Variants in GRAMD1B observed in about 807,000 individuals in gnomAD.
GRAMD1B encodes the protein GRAM domain containing 1B, also known as protein Aster-B.
In GRAMD1B, 37 loss-of-function variants were observed where a neutral mutation model predicts 99.7. The ratio of observed to expected loss-of-function variants is 0.37; its 90% confidence interval spans 0.29 to 0.49. The LOEUF is 0.49. Ranked by LOEUF, GRAMD1B falls within the 20% of genes least tolerant of loss-of-function variation. The pLI, the probability that GRAMD1B is intolerant of heterozygous loss-of-function variation, is 0.98. For missense variants in GRAMD1B, 888 were observed against 1,009.2 expected (o/e 0.88, Z 1.63); for synonymous variants, 427 against 387.6 (o/e 1.10, Z -1.19).
intron 2 of GRAMD1B, among the ~76,000 whole-genome samples, chr11:123,557,082 C>T (rs1456095814): frequency 6.6e-6 from 1 of 152,186 alleles, no homozygotes; most frequent in African/African-American, 2.4e-5. Flanking sequence ...AAACTTTCTA[C>T]CTCTTCGTTT....
intron 1 of GRAMD1B, among the ~76,000 whole-genome samples, chr11:123,390,201 A>G (rs968568427): frequency 6.6e-6 from 1 of 152,148 alleles, no homozygotes; most frequent in African/African-American, 2.4e-5. Flanking sequence ...CACCTGGTCA[A>G]ATGGTGTTTG....
At chr11:123,560,427 G>A in intron 2 of GRAMD1B, 1 of 1,188,154 alleles carries the variant, frequency 8.4e-7, no homozygotes, top group Non-Finnish European at 1.1e-6. Flanking sequence ...AAATGCTACA[G>A]CGGTGTGAAA....
At chr11:123,607,047 G>A (rs750990911) in intron 11 of GRAMD1B, among the ~76,000 whole-genome samples, 1 of 152,062 alleles carries the variant, frequency 6.6e-6, no homozygotes, top group Non-Finnish European at 1.5e-5. Context: ...TATTGACATT[G>A]GCTTGCCTTG....
At chr11:123,552,842 G>A (rs1945762273) in intron 2 of GRAMD1B, among the ~76,000 whole-genome samples, 1 of 152,116 alleles carries the variant, frequency 6.6e-6, no homozygotes, top group Non-Finnish European at 1.5e-5. Context: ...GCAAGGCCTG[G>A]CAATACCTTC....
intron 9 of GRAMD1B, among the ~76,000 whole-genome samples, chr11:123,604,451 G>A (rs1032829562): frequency 6.6e-6 from 1 of 152,170 alleles, no homozygotes; most frequent in Non-Finnish European, 1.5e-5. Flanking sequence ...ACATGCTGTC[G>A]ATAGGTTAAG....
At chr11:123,433,066 T>C (rs1372662107) in intron 1 of GRAMD1B, among the ~76,000 whole-genome samples, 1 of 151,974 alleles carries the variant, frequency 6.6e-6, no homozygotes, top group East Asian at 1.9e-4. Flanking sequence ...CTAAAGTAGT[T>C]TGTCAGGCCA....
chr11:123,367,514 TG>T (rs1239806150), intron 1 of GRAMD1B, among the ~76,000 whole-genome samples: 1 of 152,006 alleles, frequency 6.6e-6, no homozygotes, highest in African/African-American at 2.4e-5. Flanking sequence ...TTCAGGCAGA[TG>T]GGATAGCATG....
chr11:123,516,047 G>A (rs1941641935), intron 2 of GRAMD1B, among the ~76,000 whole-genome samples: 1 of 152,210 alleles, frequency 6.6e-6, no homozygotes, highest in Admixed American at 6.5e-5. Context: ...AAGATTACAG[G>A]TGTGAGCCCC....
At chr11:123,603,252 C>T (rs1485140395) in intron 8 of GRAMD1B, among the ~76,000 whole-genome samples, 174 bp from the exon 9 acceptor site, 1 of 152,234 alleles carries the variant, frequency 6.6e-6, no homozygotes, top group East Asian at 1.9e-4. Context: ...AGGCAGAAGA[C>T]TGGTGTCCTG....
chr11:123,550,622 G>A (rs939573379), intron 2 of GRAMD1B, among the ~76,000 whole-genome samples: 1 of 152,156 alleles, frequency 6.6e-6, no homozygotes, highest in African/African-American at 2.4e-5. Context: ...GTGGCAGGAG[G>A]GACTCAAGAT....
intron 1 of GRAMD1B, among the ~76,000 whole-genome samples, chr11:123,408,073 C>A (rs1364948482): frequency 6.6e-6 from 1 of 152,144 alleles, no homozygotes; most frequent in African/African-American, 2.4e-5. Context: ...CTTTTGGAGC[C>A]TTTAGCATTG....
chr11:123,363,583 TG>T (rs1313469829), intron 1 of GRAMD1B, among the ~76,000 whole-genome samples: 1 of 151,842 alleles, frequency 6.6e-6, no homozygotes, highest in Non-Finnish European at 1.5e-5. Flanking sequence ...TTTTTTTGTT[TG>T]TTTTTTTTTG....
At chr11:123,539,026 C>T (rs1944245237) in intron 2 of GRAMD1B, among the ~76,000 whole-genome samples, 1 of 152,066 alleles carries the variant, frequency 6.6e-6, no homozygotes, top group Admixed American at 6.6e-5. Context: ...TAGCATGTAT[C>T]AGTACTTCGT....
intron 18 of GRAMD1B, 140 bp from the exon 19 acceptor site, chr11:123,618,967 G>A: frequency 1.5e-6 from 1 of 681,988 alleles, no homozygotes; most frequent in Non-Finnish European, 2.6e-6. Flanking sequence ...CTTCTGATCT[G>A]GGGCACAGGG....
chr11:123,485,909 T>C (rs1319220752), intron 2 of GRAMD1B, among the ~76,000 whole-genome samples: 4 of 151,914 alleles, frequency 2.6e-5, no homozygotes, highest in African/African-American at 9.7e-5. Flanking sequence ...AGAGATGGGG[T>C]TTCACCATGT....
intron 2 of GRAMD1B, among the ~76,000 whole-genome samples, chr11:123,513,601 C>CTCTTT (rs1591772451): frequency 2.7e-4 from 10 of 37,374 alleles, no homozygotes; most frequent in African/African-American, 6.9e-4. Context: ...TTCCTTCCTT[C>CTCTTT]CTTCCTTCCT....
Position 123,513,601 on chromosome 11 carries a change from C to CTTTCTTTCTTTCTTT in GRAMD1B, c.452+32708_452+32709insTTTCTTTCTTTCTTT, listed in dbSNP as rs1591772451. Among the ~76,000 whole-genome samples the CTTTCTTTCTTTCTTT allele has an allele frequency of 6.8e-3, 252 of 37,330 alleles. 4 individuals are homozygous for CTTTCTTTCTTTCTTT. Among genetic ancestry groups the CTTTCTTTCTTTCTTT allele is most frequent in the African/African-American group, 0.016 (229 of 14,434 alleles). 24.5% of individuals were successfully genotyped at this position (37,330 alleles called of 152,430 possible). On this transcript the variant is annotated intron_variant, in intron 2 of 19. Coordinates refer to ENST00000635736, the MANE Select transcript of GRAMD1B (RefSeq NM_001387025.1). ...CCTTTCCTTCCTTCCTTCCTTCCTTCCTTCCTTCCTTCCTTCCTTTCTTTC... is the reference window on the plus strand; with the variant it reads ...CCTTTCCTTCCTTCCTTCCTTCCTTCTTTCTTTCTTTCTTTCTTCCTTCCTTCCTTCCTTTCTTTC...
chr11:123,619,001 A>G (rs1443148071), intron 18 of GRAMD1B, 106 bp from the exon 19 acceptor site: 1 of 716,022 alleles, frequency 1.4e-6, no homozygotes, highest in African/African-American at 1.8e-5. Flanking sequence ...TGAGCAGAGG[A>G]CAAAGCACTC....
intron 7 of GRAMD1B, chr11:123,598,451 G>A (rs565237446): frequency 5.6e-5 from 56 of 992,874 alleles, no homozygotes; most frequent in East Asian, 2.9e-4. Flanking sequence ...GCTGTTCTCC[G>A]AGAATCTCTA....
Sources: allele counts gnomAD v4.1 joint callset (sites outside exome capture counted in the v4.1 genomes callset), GRCh38; gene constraint gnomAD v4.1.1; transcripts MANE v1.5; gene names NCBI Gene and HGNC (gene_info 2026-07-23, HGNC 2026-07-21).